LRRK2: variants seen among roughly 807,000 people sequenced by gnomAD.
LRRK2 encodes the protein leucine-rich repeat serine/threonine-protein kinase 2.
LRRK2 carries 203 observed loss-of-function variants against 302.6 expected under a neutral mutation model. The observed-to-expected ratio is 0.67, with a 90% CI of 0.60 to 0.75. The LOEUF is 0.75. LRRK2 is among the 30% of genes least tolerant of loss of function. The probability of loss-of-function intolerance (pLI) is 0.00; values close to 1 mark genes in which losing one functional copy is unlikely to be tolerated. For missense variants in LRRK2, 2,830 were observed against 2,951.0 expected (o/e 0.96, Z 0.95); for synonymous variants, 1,066 against 1,031.9 (o/e 1.03, Z -0.63).
At chr12:40,283,805 T>A in intron 18 of LRRK2, 70 bp from the exon 19 acceptor site, 1 of 1,360,388 alleles carries the variant, frequency 7.4e-7, no homozygotes, top group Non-Finnish European at 1.0e-6. Context: ...ACATGAAGTT[T>A]GATTTGCCAG....
chr12:40,285,518 G>A (rs1333164495), intron 19 of LRRK2, among the ~76,000 whole-genome samples: 2 of 151,852 alleles, frequency 1.3e-5, no homozygotes, highest in South Asian at 2.1e-4. Context: ...GGACAATTTG[G>A]CAATATCTAC....
At chr12:40,332,492 C>T (rs1945739954) in intron 39 of LRRK2, among the ~76,000 whole-genome samples, 2 of 152,122 alleles carry the variant, frequency 1.3e-5, no homozygotes, top group Non-Finnish European at 2.9e-5. Context: ...TTTTTGGAAT[C>T]TATATATCCT....
rs2136605311 is a variant in LRRK2 at position 40,274,713 on chromosome 12, A to G, written c.1787A>G (p.Tyr596Cys). 2 of 1,614,086 alleles carry G rather than the reference A, an allele frequency of 1.2e-6. No homozygotes were observed. Among genetic ancestry groups the G allele is most frequent in the African/African-American group, 1.3e-5 (1 of 75,064 alleles). Residue 596 changes from tyrosine (Y) to cysteine (C), a missense_variant, in exon 15 of 51, where the codon TAT becomes TGT. Physicochemically the swap from Tyr to Cys is radical, Grantham distance 194. Transcript: ENST00000298910. Reference protein sequence around the residue: ...MDSVLHTLQMYPDDQEIQCLG... With the variant: ...MDSVLHTLQMCPDDQEIQCLG... ...TCAGTGCTTCACACACTGCAGATGT[A>G]TCCAGATGACCAAGGTCAGTACAAT...
At chr12:40,331,847 A>T (rs923452451) in intron 39 of LRRK2, among the ~76,000 whole-genome samples, 6 of 152,228 alleles carry the variant, frequency 3.9e-5, no homozygotes, top group African/African-American at 1.4e-4. Context: ...GGTTTAATCC[A>T]GTCACTCTGG....
intron 46 of LRRK2, among the ~76,000 whole-genome samples, chr12:40,357,294 A>G (rs1266892299): frequency 6.6e-6 from 1 of 152,200 alleles, no homozygotes; most frequent in Non-Finnish European, 1.5e-5. Context: ...GTCAAATAGT[A>G]TTCCGTTATG....
intron 31 of LRRK2, among the ~76,000 whole-genome samples, chr12:40,312,372 A>G (rs555121363): frequency 1.3e-5 from 2 of 152,266 alleles, no homozygotes; most frequent in South Asian, 4.1e-4. Flanking sequence ...TGCTTTGTAG[A>G]AGAATGACTC....
At chr12:40,258,735 A>C (rs1942634926) in intron 12 of LRRK2, among the ~76,000 whole-genome samples, 1 of 152,222 alleles carries the variant, frequency 6.6e-6, no homozygotes, top group African/African-American at 2.4e-5. Flanking sequence ...GGGTTACCCA[A>C]GGAGGGGAGG....
At chr12:40,269,493 A>G (rs1366834069) in intron 14 of LRRK2, among the ~76,000 whole-genome samples, 1 of 152,160 alleles carries the variant, frequency 6.6e-6, no homozygotes, top group Non-Finnish European at 1.5e-5. Context: ...CTGAGGGACT[A>G]CAACAAGCAG....
chr12:40,333,815 G>A (rs1041824189), intron 39 of LRRK2, among the ~76,000 whole-genome samples: 3 of 152,084 alleles, frequency 2.0e-5, no homozygotes, highest in Non-Finnish European at 4.4e-5. Flanking sequence ...GAAGGGTGGA[G>A]GGATTTCTAG....
Position 40,257,345 on chromosome 12 carries a change from C to T in LRRK2, c.1386C>T (p.Gly462=), listed in dbSNP as rs771122615. The change falls in exon 12 of 51, where the codon GGC becomes GGT. Residue 462 remains glycine (G), a synonymous_variant. Coordinates refer to ENST00000298910, the MANE Select transcript of LRRK2 (RefSeq NM_198578.4). ...HIHSPEVAES[G]CKMLNHLFEG... The stretch of plus-strand genomic sequence containing the variant: ...ATTCTCCTGAAGTGGCTGAAAGTGG[C>T]TGTAAAATGCTAAATCATCTTTTTG... 6.2e-7 allele frequency: 1 copy of T among 1,612,800 alleles called. No homozygotes were observed. The highest frequency in any genetic ancestry group is 1.1e-5 in the South Asian group (1 of 91,064).
chr12:40,226,512 C>A (rs1366321812), intron 2 of LRRK2, among the ~76,000 whole-genome samples: 3 of 152,158 alleles, frequency 2.0e-5, no homozygotes, highest in African/African-American at 7.2e-5. Context: ...TGAGGCATCT[C>A]AATCTTTAAA....
intron 44 of LRRK2, among the ~76,000 whole-genome samples, chr12:40,353,768 G>A (rs557411090): frequency 1.6e-3 from 248 of 152,372 alleles, no homozygotes; most frequent in African/African-American, 5.8e-3. Context: ...GATCACTCGC[G>A]GTTAGGAGCT....
At chr12:40,358,633 A>G (rs1946613601) in intron 46 of LRRK2, among the ~76,000 whole-genome samples, 1 of 152,122 alleles carries the variant, frequency 6.6e-6, no homozygotes, top group Non-Finnish European at 1.5e-5. Flanking sequence ...GCCTTGTAAT[A>G]TATTTTCAAG....
chr12:40,340,787 G>A (rs1170199954), intron 41 of LRRK2, among the ~76,000 whole-genome samples: 1 of 152,132 alleles, frequency 6.6e-6, no homozygotes, highest in African/African-American at 2.4e-5. Flanking sequence ...GGTATTGTTG[G>A]CACTTGTGAG....
At chr12:40,263,679 C>T (rs2136540796) in intron 13 of LRRK2, 110 bp from the exon 14 acceptor site, 1 of 725,016 alleles carries the variant, frequency 1.4e-6, no homozygotes, top group Non-Finnish European at 2.3e-6. Flanking sequence ...GAAAAAAGTA[C>T]AACACATATA....
chr12:40,294,132 CATCTATCTATCT>C (rs72446556), intron 21 of LRRK2, among the ~76,000 whole-genome samples: 36,105 of 149,050 alleles, frequency 0.24, 4,562 homozygotes, highest in Non-Finnish European at 0.26. Context: ...ATCTATCTAT[CATCTATCTATCT>C]ATCTATCTAT....
intron 38 of LRRK2, among the ~76,000 whole-genome samples, chr12:40,325,451 A>G (rs1945517808): frequency 6.6e-6 from 1 of 152,200 alleles, no homozygotes; most frequent in African/African-American, 2.4e-5. Flanking sequence ...AGCTGTTGCC[A>G]TTTTGGCTTG....
At chr12:40,303,547 CTCT>C (rs1393199967) in intron 26 of LRRK2, among the ~76,000 whole-genome samples, 2 of 152,028 alleles carry the variant, frequency 1.3e-5, no homozygotes, top group African/African-American at 4.8e-5. Context: ...CTGCAATGAG[CTCT>C]TCTGTGAGCT....
intron 18 of LRRK2, 115 bp downstream of exon 18, chr12:40,278,376 C>A: frequency 7.9e-7 from 1 of 1,266,270 alleles, no homozygotes; most frequent in Non-Finnish European, 1.1e-6. Context: ...AGAAATTTAC[C>A]AGTTTATTGC....
Sources: gnomAD v4.1 joint callset for allele counts (sites outside exome capture counted in the v4.1 genomes callset) on GRCh38, gnomAD v4.1.1 for gene constraint, MANE v1.5 for transcripts, NCBI Gene and HGNC (gene_info 2026-07-23, HGNC 2026-07-21) for gene names.